Variants in ZNF346 observed in about 807,000 individuals in gnomAD.
ZNF346 encodes double-stranded RNA-binding zinc finger protein JAZ.
A neutral mutation model predicts 33.7 loss-of-function variants in ZNF346; 23 were observed. The observed-to-expected ratio is 0.68, with a 90% CI of 0.49 to 0.97. ZNF346 has a LOEUF of 0.97. Among genes scored for constraint, ZNF346 ranks in the 50% least tolerant of loss-of-function variants. The pLI, the probability that ZNF346 is intolerant of heterozygous loss-of-function variation, is 0.00. For synonymous variants in ZNF346, 134 were observed against 142.4 expected (o/e 0.94, Z 0.42); for missense variants, 340 against 371.1 (o/e 0.92, Z 0.69).
chr5:177,041,220 A>T lies in ZNF346; in HGVS notation c.270A>T (p.Ala90=). Residue 90 remains alanine, a synonymous_variant, in exon 2 of 7, where the codon GCA becomes GCT. Transcript: ENST00000358149. The stretch of plus-strand genomic sequence containing the variant: ...TTATTTCTGAGTCCCAGAAGCTGGC[A>T]CATTACCAGGTATGCCATCATACTT... ...ALLISESQKL[A]HYQSKKHANK... 4 of 1,613,812 alleles carry T rather than the reference A, an allele frequency of 2.5e-6. No homozygotes were observed. The highest frequency in any genetic ancestry group is 3.4e-6 in the Non-Finnish European group (4 of 1,179,632).
At chr5:177,035,586 G>A (rs992843389) in intron 1 of ZNF346, among the ~76,000 whole-genome samples, 34 of 147,044 alleles carry the variant, frequency 2.3e-4, no homozygotes, top group Admixed American at 1.4e-3. Flanking sequence ...TCAGCCTCCC[G>A]AGTAACTGGA....
rs115162792 is a variant in ZNF346, at chr5:177,037,362, C to T, written c.176-3764C>T. Among the ~76,000 whole-genome samples, 866 of 152,316 alleles carry T rather than the reference C, an allele frequency of 5.7e-3. 5 individuals are homozygous for T. The highest frequency in any genetic ancestry group is 9.4e-3 in the Non-Finnish European group (641 of 68,026). ...AATGATTCCCCATTTATATCTCCAG[C>T]TCTGACCTCCCCCTTGAGCTTCAAG... On this transcript the variant is annotated intron_variant, in intron 1 of 6. Transcript: ENST00000358149.
chr5:177,046,006 C>T (rs1779980821), intron 4 of ZNF346, among the ~76,000 whole-genome samples: 1 of 152,004 alleles, frequency 6.6e-6, no homozygotes, highest in African/African-American at 2.4e-5. Flanking sequence ...ATTAAAAACA[C>T]AGGACATAGG....
At chr5:177,054,766 C>G (rs1781443483) in intron 5 of ZNF346, among the ~76,000 whole-genome samples, 1 of 152,088 alleles carries the variant, frequency 6.6e-6, no homozygotes, top group Non-Finnish European at 1.5e-5. Context: ...GAAAGCAAAT[C>G]TGCAGATGTT....
At chr5:177,072,927 T>G (rs1783573591), downstream of ZNF346, among the ~76,000 whole-genome samples, 1 of 152,236 alleles carries the variant, frequency 6.6e-6, no homozygotes, top group African/African-American at 2.4e-5. Flanking sequence ...GTTGAGTTTC[T>G]ATAACTTGCA....
chr5:177,024,200 CTT>C (rs781744965), intron 1 of ZNF346, among the ~76,000 whole-genome samples: 11 of 86,900 alleles, frequency 1.3e-4, no homozygotes, highest in Admixed American at 9.2e-4. Context: ...GCCCTCTCTC[CTT>C]TTTTTTTTTT....
intron 8 of ZNF346, among the ~76,000 whole-genome samples, chr5:177,078,550 G>A (rs1783856900): frequency 1.3e-5 from 2 of 152,256 alleles, no homozygotes; most frequent in Non-Finnish European, 2.9e-5. Flanking sequence ...GGGAGGCTGA[G>A]GCAGGAGGAT....
At chr5:177,026,322 C>G (rs1776760529) in intron 1 of ZNF346, among the ~76,000 whole-genome samples, 1 of 142,638 alleles carries the variant, frequency 7.0e-6, no homozygotes, top group South Asian at 2.3e-4. Context: ...CATCTTGTTT[C>G]TGAAGGAGTT....
chr5:177,025,534 G>A (rs141210736), intron 1 of ZNF346, among the ~76,000 whole-genome samples: 66 of 152,230 alleles, frequency 4.3e-4, no homozygotes, highest in African/African-American at 1.3e-3. Context: ...TGAGGGTTTC[G>A]CTTTTTCTAT....
intron 5 of ZNF346, among the ~76,000 whole-genome samples, chr5:177,055,900 A>AC (rs1781607066): frequency 6.6e-6 from 1 of 151,860 alleles, no homozygotes. Context: ...ACAAGGAGAA[A>AC]CCCCGTCTCT....
intron 5 of ZNF346, among the ~76,000 whole-genome samples, chr5:177,057,835 T>TATTTATTG (rs1781940908): frequency 6.6e-6 from 1 of 150,520 alleles, no homozygotes; most frequent in African/African-American, 2.4e-5. Flanking sequence ...TTTATTTATT[T>TATTTATTG]ATTGAGACAG....
chr5:177,035,185 T>A (rs887073850), intron 1 of ZNF346, among the ~76,000 whole-genome samples: 1 of 152,032 alleles, frequency 6.6e-6, no homozygotes, highest in African/African-American at 2.4e-5. Flanking sequence ...CCTGCCTAAT[T>A]TTTTTATTTT....
In ZNF346 at chr5:177,043,438, A is replaced by G. The variant is rs114666376; in HGVS notation, c.373-951A>G. Among the ~76,000 whole-genome samples, 1,384 of 152,186 alleles carry G rather than the reference A, an allele frequency of 9.1e-3. 8 individuals carry two copies. Among genetic ancestry groups the G allele is most frequent in the South Asian group, 0.025 (119 of 4,814 alleles). ...ATCCCTTTATGTAGTCTTGAAATAC[A>G]TGGTTTCCTAGCCTAATCATAATCA... On this transcript the variant is annotated intron_variant, in intron 3 of 6. Transcript: ENST00000358149.
At chr5:177,046,814 CTACTT>C (rs1412278738) in intron 4 of ZNF346, among the ~76,000 whole-genome samples, 2 of 151,940 alleles carry the variant, frequency 1.3e-5, no homozygotes, top group Non-Finnish European at 2.9e-5. Context: ...TAAACATAGA[CTACTT>C]TAAATAACTT....
intron 4 of ZNF346, among the ~76,000 whole-genome samples, chr5:177,049,023 T>G (rs1419362425): frequency 6.6e-6 from 1 of 152,032 alleles, no homozygotes; most frequent in Admixed American, 6.6e-5. Context: ...CTGAGTCAGA[T>G]TATCTGCCTG....
At chr5:177,030,553 C>T (rs1038223544) in intron 1 of ZNF346, among the ~76,000 whole-genome samples, 8 of 151,888 alleles carry the variant, frequency 5.3e-5, no homozygotes, top group African/African-American at 1.5e-4. Context: ...GTGATCCGCC[C>T]GCCTCAGCCT....
chr5:177,035,620 C>A (rs1778376516), intron 1 of ZNF346, among the ~76,000 whole-genome samples: 1 of 149,528 alleles, frequency 6.7e-6, no homozygotes, highest in Non-Finnish European at 1.5e-5. Flanking sequence ...TACCATCACA[C>A]CCGGCTAATT....
chr5:177,028,758 T>C (rs60951983), intron 1 of ZNF346, among the ~76,000 whole-genome samples: 16,449 of 125,392 alleles, frequency 0.13, 2,645 homozygotes, highest in African/African-American at 0.38. Flanking sequence ...CTCGCTCTGT[T>C]GCCCAGGCTG....
At chr5:177,047,460 T>G (rs1780237258) in intron 4 of ZNF346, among the ~76,000 whole-genome samples, 1 of 151,740 alleles carries the variant, frequency 6.6e-6, no homozygotes, top group Non-Finnish European at 1.5e-5. Flanking sequence ...TGCTTCCACC[T>G]GCTGAATAGC....
Sources: gnomAD v4.1 joint callset for allele counts (sites outside exome capture counted in the v4.1 genomes callset) on GRCh38, gnomAD v4.1.1 for gene constraint, MANE v1.5 for transcripts, NCBI Gene and HGNC (gene_info 2026-07-23, HGNC 2026-07-21) for gene names.